The following LRRC53 variants were observed in gnomAD, a reference collection of about 807,000 sequenced individuals.
LRRC53 encodes the protein leucine-rich repeat-containing protein 53.
In LRRC53, 25 loss-of-function variants were observed where a neutral mutation model predicts 13.6. The observed-to-expected ratio is 1.83, with a 90% CI of 1.34 to 2.56. The LOEUF is 2.56. Among genes scored for constraint, LRRC53 ranks in the 30% most tolerant of loss-of-function variants. The probability of loss-of-function intolerance (pLI) is 0.00; values close to 1 mark genes in which losing one functional copy is unlikely to be tolerated. For missense variants in LRRC53, 527 were observed against 275.8 expected (o/e 1.91, Z -6.45); for synonymous variants, 204 against 109.8 (o/e 1.86, Z -5.37).
chr1:74,509,825 T>G (rs1465386247), intron 1 of LRRC53, among the ~76,000 whole-genome samples: 2 of 129,056 alleles, frequency 1.5e-5, no homozygotes, highest in African/African-American at 5.7e-5. Flanking sequence ...CGATTATGGC[T>G]CACTGCAGCC....
In LRRC53 at chr1:74,480,378, G is replaced by T; in HGVS notation, c.679C>A (p.Arg227=). The T allele has an allele frequency of 1.4e-6, 1 of 717,560 alleles. No individual in the cohort carries two copies. The highest frequency in any genetic ancestry group is 2.6e-6 in the Non-Finnish European group (1 of 385,118). 44.4% of individuals were successfully genotyped at this position (717,560 alleles called of 1,614,324 possible). A position where few individuals can be genotyped will look rare whatever the true frequency, so the allele number is the denominator to read the frequency against. ...GACTTAATGTAGTTTCTTAAAAACC[G>T]AGCAAGGGGATGGAGATCACAAGTG... ...SCTCDLHPLA[R]FLRNYIKSSA... Residue 227 remains arginine, a synonymous_variant, in exon 3 of 5, where the codon CGG becomes AGG. Coordinates refer to ENST00000294635, the MANE Select transcript of LRRC53 (RefSeq NM_001382280.1).
Position 74,471,137 on chromosome 1 carries a change from C to A in LRRC53, c.2485G>T (p.Ala829Ser), listed in dbSNP as rs546272540. Residue 829 changes from alanine to serine, a missense_variant, in exon 5 of 5, where the codon GCT (alanine) becomes TCT (serine). By Grantham distance (99) the Ala-to-Ser change is moderately conservative. Coordinates refer to ENST00000294635, the MANE Select transcript of LRRC53 (RefSeq NM_001382280.1). ...GTGTTTCCATCAGGAATGTGGCCAG[C>A]TGAGTAACAGCTGCTTTCTATAGAG... ...QSSIESSCYSAGHIPDGNTSK... is the reference protein window; with the variant it reads ...QSSIESSCYSSGHIPDGNTSK... The A allele has an allele frequency of 1.0e-5, 4 of 400,748 alleles. No homozygotes were observed. Among genetic ancestry groups the A allele is most frequent in the Middle Eastern group, 3.1e-4 (1 of 3,220 alleles). 24.8% of individuals were successfully genotyped at this position (400,748 alleles called of 1,614,324 possible).
intron 4 of LRRC53, among the ~76,000 whole-genome samples, chr1:74,474,628 C>G (rs549594790): frequency 6.6e-6 from 1 of 152,218 alleles, no homozygotes; most frequent in East Asian, 1.9e-4. Flanking sequence ...AGCCTGAATG[C>G]GTAGCCTTAC....
chr1:74,517,193 TA>T (rs148042128), upstream of LRRC53, among the ~76,000 whole-genome samples: 10 of 151,376 alleles, frequency 6.6e-5, no homozygotes, highest in East Asian at 1.9e-4. Flanking sequence ...GGTAACTCTT[TA>T]AAAAAAAAGG....
the LRRC53 span, among the ~76,000 whole-genome samples, chr1:74,532,918 G>A: frequency 1.3e-5 from 2 of 152,254 alleles, no homozygotes; most frequent in East Asian, 3.9e-4. Context: ...ATTAATTCAA[G>A]ATGGATTAAA....
At chr1:74,520,928 G>T in the LRRC53 span, among the ~76,000 whole-genome samples, 8 of 152,118 alleles carry the variant, frequency 5.3e-5, no homozygotes, top group African/African-American at 1.9e-4. Context: ...GAATAGTGGT[G>T]ACATGGGAGC....
At chr1:74,490,396 G>C (rs528251544) in intron 1 of LRRC53, among the ~76,000 whole-genome samples, 105 of 152,288 alleles carry the variant, frequency 6.9e-4, no homozygotes, top group African/African-American at 2.4e-3. Context: ...TTGAAACTTA[G>C]GGTTTGAGTG....
At chr1:74,499,095 G>A (rs1669478743) in intron 1 of LRRC53, among the ~76,000 whole-genome samples, 1 of 152,166 alleles carries the variant, frequency 6.6e-6, no homozygotes. Context: ...AAACATCCCA[G>A]GAATGCAGGT....
At chr1:74,481,425 A>G (rs1388693957) in intron 2 of LRRC53, among the ~76,000 whole-genome samples, 2 of 152,194 alleles carry the variant, frequency 1.3e-5, no homozygotes, top group East Asian at 3.9e-4. Context: ...TGTGAAGTCA[A>G]TCATCTTTTC....
the LRRC53 span, among the ~76,000 whole-genome samples, chr1:74,520,735 T>A: frequency 1.3e-5 from 2 of 152,124 alleles, no homozygotes; most frequent in Admixed American, 1.3e-4. Flanking sequence ...ATGTGGTATT[T>A]GGGACTTGGT....
the LRRC53 span, among the ~76,000 whole-genome samples, chr1:74,522,446 G>A: frequency 6.6e-6 from 1 of 152,150 alleles, no homozygotes; most frequent in African/African-American, 2.4e-5. Context: ...AGACCAAGGA[G>A]TACACTTCCA....
At chr1:74,492,364 C>A in intron 1 of LRRC53, 1 of 1,316,090 alleles carries the variant, frequency 7.6e-7, no homozygotes, top group Non-Finnish European at 9.8e-7. Flanking sequence ...GGTTTGATTA[C>A]CCCCTGAAAA....
intron 4 of LRRC53, among the ~76,000 whole-genome samples, chr1:74,474,369 AACTGG>A (rs375034690): frequency 8.3e-4 from 127 of 152,272 alleles, no homozygotes; most frequent in African/African-American, 2.9e-3. Flanking sequence ...CACTGGTAAG[AACTGG>A]AGTGTGGGAA....
Position 74,470,602 on chromosome 1 carries a change from G to A in LRRC53, c.3020C>T (p.Ser1007Phe). ...KLSKTETYDS[S>F]LIPQTQSKNN... ...CTTGGATTGTGTTTGGGGAATGAGAGAGGAATCATAAGTTTCTGTTTTTGA... is the reference window on the plus strand; with the variant it reads ...CTTGGATTGTGTTTGGGGAATGAGAAAGGAATCATAAGTTTCTGTTTTTGA... Residue 1007 changes from serine to phenylalanine, a missense_variant, in exon 5 of 5, where the codon TCT becomes TTT. By Grantham distance (155) the Ser-to-Phe change is radical (BLOSUM62 -2). Coordinates refer to ENST00000294635, the MANE Select transcript of LRRC53 (RefSeq NM_001382280.1). 5.0e-6 allele frequency: 2 copies of A among 400,702 alleles called. No individual in the cohort carries two copies. Among genetic ancestry groups the A allele is most frequent in the Non-Finnish European group, 8.8e-6 (2 of 226,170 alleles). 24.8% of individuals were successfully genotyped at this position (400,702 alleles called of 1,614,324 possible). A position where few individuals can be genotyped will look rare whatever the true frequency, so the allele number is the denominator to read the frequency against.
the LRRC53 span, among the ~76,000 whole-genome samples, chr1:74,526,668 A>G: frequency 6.6e-6 from 1 of 152,218 alleles, no homozygotes; most frequent in African/African-American, 2.4e-5. Flanking sequence ...CCATTAGCTC[A>G]TGCATTTTAG....
At chr1:74,491,367 G>A (rs1018856316) in intron 1 of LRRC53, among the ~76,000 whole-genome samples, 1 of 152,098 alleles carries the variant, frequency 6.6e-6, no homozygotes, top group African/African-American at 2.4e-5. Context: ...CTACAGGTGC[G>A]TGCCACCACT....
At chr1:74,495,869 G>A (rs1669301061) in intron 1 of LRRC53, among the ~76,000 whole-genome samples, 1 of 152,130 alleles carries the variant, frequency 6.6e-6, no homozygotes. Flanking sequence ...TTTCTCCCAA[G>A]CCTGCCTTTT....
chr1:74,477,929 CTTCATAAAAACTTTTTATCTACCAG>C (rs1668286923), intron 3 of LRRC53, among the ~76,000 whole-genome samples: 1 of 152,140 alleles, frequency 6.6e-6, no homozygotes, highest in Admixed American at 6.5e-5. Context: ...CACATTACAG[CTTCATAAAAACTTTTTATCTACCAG>C]TTCATAGTGT....
chr1:74,496,996 G>A (rs1357617796), intron 1 of LRRC53, among the ~76,000 whole-genome samples: 4 of 152,184 alleles, frequency 2.6e-5, no homozygotes, highest in Non-Finnish European at 5.9e-5. Flanking sequence ...CAGGGATCCA[G>A]AGTTTGGAAC....
Sources: allele counts gnomAD v4.1 joint callset (sites outside exome capture counted in the v4.1 genomes callset), GRCh38; gene constraint gnomAD v4.1.1; transcripts MANE v1.5; gene names NCBI Gene and HGNC (gene_info 2026-07-23, HGNC 2026-07-21).